The following SCHIP1 variants were observed in gnomAD, a reference collection of about 807,000 sequenced individuals.
SCHIP1 encodes schwannomin-interacting protein 1.
SCHIP1 carries 8 observed loss-of-function variants against 29.7 expected under a neutral mutation model. The observed-to-expected ratio is 0.27, with a 90% confidence interval of 0.16 to 0.49. The LOEUF is 0.49. Ranked by LOEUF, SCHIP1 falls within the 20% of genes least tolerant of loss-of-function variation. The pLI is 0.99. For synonymous variants in SCHIP1, 76 were observed against 94.9 expected (o/e 0.80, Z 1.16); for missense variants, 193 against 294.6 (o/e 0.66, Z 2.52).
the SCHIP1 span, among the ~76,000 whole-genome samples, chr3:159,576,088 CA>C: frequency 5.9e-5 from 9 of 151,888 alleles, no homozygotes; most frequent in African/African-American, 2.2e-4. Context: ...TATATATTTT[CA>C]AAAAGCTAGA....
the SCHIP1 span, among the ~76,000 whole-genome samples, chr3:159,302,197 G>A: frequency 6.6e-6 from 1 of 152,192 alleles, no homozygotes. Flanking sequence ...TTAAGCCTGT[G>A]ATGTCAAGGT....
At chr3:159,405,890 A>G in the SCHIP1 span, among the ~76,000 whole-genome samples, 1 of 151,572 alleles carries the variant, frequency 6.6e-6, no homozygotes, top group Admixed American at 6.6e-5. Context: ...CAAAAAAAAA[A>G]AAAAAGAAAA....
the SCHIP1 span, among the ~76,000 whole-genome samples, chr3:159,658,725 A>G: frequency 1.3e-5 from 2 of 152,180 alleles, no homozygotes; most frequent in Non-Finnish European, 1.5e-5. Context: ...TGCCACCCAA[A>G]TACCAGATTT....
At chr3:159,408,084 G>A in the SCHIP1 span, among the ~76,000 whole-genome samples, 1 of 152,056 alleles carries the variant, frequency 6.6e-6, no homozygotes, top group Non-Finnish European at 1.5e-5. Context: ...GGATCACGAG[G>A]TCAGGAGATC....
the SCHIP1 span, among the ~76,000 whole-genome samples, chr3:159,677,963 AAG>A: frequency 6.6e-6 from 1 of 152,310 alleles, no homozygotes; most frequent in South Asian, 2.1e-4. Flanking sequence ...AGCATCCCCA[AAG>A]TGCTGGAATT....
intron 6 of SCHIP1, chr3:159,894,731 G>C (rs1048574746): frequency 2.0e-5 from 3 of 150,122 alleles, no homozygotes; most frequent in African/African-American, 7.3e-5. Context: ...AAAAAAAAGA[G>C]TTTTGGTGGG....
chr3:159,765,197 G>T, the SCHIP1 span: 1 of 1,471,506 alleles, frequency 6.8e-7, no homozygotes, highest in Non-Finnish European at 9.0e-7. Context: ...CCCGCGCACA[G>T]CCCGCACGCC....
the SCHIP1 span, among the ~76,000 whole-genome samples, chr3:159,300,465 A>G: frequency 6.6e-6 from 1 of 152,130 alleles, no homozygotes; most frequent in Non-Finnish European, 1.5e-5. Flanking sequence ...CAGCCTACAT[A>G]GTAAAGCCGA....
the SCHIP1 span, among the ~76,000 whole-genome samples, chr3:159,719,570 T>C: frequency 6.6e-6 from 1 of 151,810 alleles, no homozygotes; most frequent in African/African-American, 2.4e-5. Flanking sequence ...CAAAAGTGGG[T>C]GAAGGATATG....
At chr3:159,324,525 C>T in the SCHIP1 span, among the ~76,000 whole-genome samples, 1 of 151,728 alleles carries the variant, frequency 6.6e-6, no homozygotes, top group Non-Finnish European at 1.5e-5. Context: ...AATATTTATT[C>T]ATGTCTCTGT....
the SCHIP1 span, among the ~76,000 whole-genome samples, chr3:159,647,785 C>T: frequency 1.3e-5 from 2 of 152,104 alleles, no homozygotes; most frequent in Non-Finnish European, 2.9e-5. Flanking sequence ...AATGGAAAGC[C>T]ACGAGAACTA....
At chr3:159,363,070 C>T in the SCHIP1 span, among the ~76,000 whole-genome samples, 2 of 152,182 alleles carry the variant, frequency 1.3e-5, no homozygotes, top group South Asian at 2.1e-4. Context: ...CCAATGGCAA[C>T]CCCTTTGAAA....
At chr3:159,586,756 C>T in the SCHIP1 span, among the ~76,000 whole-genome samples, 1 of 152,036 alleles carries the variant, frequency 6.6e-6, no homozygotes, top group Non-Finnish European at 1.5e-5. Flanking sequence ...TCTGCAGACC[C>T]CATGGCTGCT....
chr3:159,380,837 A>G, the SCHIP1 span, among the ~76,000 whole-genome samples: 7 of 152,142 alleles, frequency 4.6e-5, no homozygotes, highest in African/African-American at 1.7e-4. Flanking sequence ...TCTGACTCCA[A>G]AACTCAAGTA....
rs140002614 is a variant in SCHIP1 at position 159,884,029 on chromosome 3, C to T, written c.150-2178C>T. 4.9e-4 allele frequency among the ~76,000 whole-genome samples: 74 copies of T among 152,162 alleles called. 2 individuals carry two copies. Among genetic ancestry groups the T allele is most frequent in the Middle Eastern group, 3.4e-3 (1 of 294 alleles). ...TTATTTTGCTTTGTGTTTTGTATTG[C>T]GGGTTATTTTACATTTTTATAATCT... is the stretch of plus-strand genomic sequence containing the variant. On this transcript the variant is annotated intron_variant, in intron 2 of 6. Transcript: ENST00000445224.
At chr3:159,612,517 A>T in the SCHIP1 span, among the ~76,000 whole-genome samples, 1 of 152,092 alleles carries the variant, frequency 6.6e-6, no homozygotes, top group South Asian at 2.1e-4. Context: ...GAGGCCAAGG[A>T]GGGCAGATTA....
At chr3:159,621,647 T>TTTG in the SCHIP1 span, among the ~76,000 whole-genome samples, 2 of 151,254 alleles carry the variant, frequency 1.3e-5, no homozygotes, top group East Asian at 1.9e-4. Flanking sequence ...GTGTGGTTTT[T>TTTG]TTGTTGTTGT....
At chr3:159,371,435 T>A in the SCHIP1 span, among the ~76,000 whole-genome samples, 1 of 152,144 alleles carries the variant, frequency 6.6e-6, no homozygotes, top group East Asian at 1.9e-4. Context: ...AGAAAGAATG[T>A]TTGAGCTGAG....
At chr3:159,754,842 A>G in the SCHIP1 span, among the ~76,000 whole-genome samples, 1 of 152,238 alleles carries the variant, frequency 6.6e-6, no homozygotes, top group Non-Finnish European at 1.5e-5. Context: ...GGATGAATTG[A>G]GGATGAAACC....
Sources: allele counts gnomAD v4.1 joint callset (sites outside exome capture counted in the v4.1 genomes callset), GRCh38; gene constraint gnomAD v4.1.1; transcripts MANE v1.5; gene names NCBI Gene and HGNC (gene_info 2026-07-23, HGNC 2026-07-21).